C1QL1: variants seen among roughly 807,000 people sequenced by gnomAD.
The protein encoded by C1QL1 is C1q-related factor.
Under a neutral mutation model 14.2 loss-of-function variants are expected in C1QL1, and 15 were observed. The ratio of observed to expected loss-of-function variants is 1.06; its 90% CI spans 0.71 to 1.62. C1QL1 has a LOEUF of 1.62. Among genes scored for constraint, C1QL1 ranks in the 40% most tolerant of loss-of-function variants. C1QL1 has a pLI of 0.00. For synonymous variants in C1QL1, 172 were observed against 172.4 expected (o/e 1.00, Z 0.02); for missense variants, 346 against 380.3 (o/e 0.91, Z 0.75).
chr17:44,962,212 A>G (rs1002892738), intron 1 of C1QL1, among the ~76,000 whole-genome samples: 1 of 152,098 alleles, frequency 6.6e-6, no homozygotes, highest in East Asian at 1.9e-4. Context: ...AACCAAGCCA[A>G]ATTAGGGGAG....
rs770554389 is a variant in C1QL1 at position 44,960,371 on chromosome 17, C to G, written c.598-4G>C. On this transcript the variant is annotated splice_region_variant and splice_polypyrimidine_tract_variant and intron_variant, in intron 1 of 1. Transcript: ENST00000253407. ...GGGCAATAGCACTGGCCCGCACCTG[C>G]GGGTGGGGGACACGGGAGGGAGGGC... 25 of 1,610,926 alleles carry G rather than the reference C, an allele frequency of 1.6e-5. No individual in the cohort carries two copies. The highest frequency in any genetic ancestry group is 1.9e-5 in the Non-Finnish European group (22 of 1,178,142).
chr17:44,960,064 C>CG lies in C1QL1; in HGVS notation c.*123dup, dbSNP rs2052618842. On this transcript the variant is annotated 3_prime_UTR_variant, in exon 2 of 2. Coordinates refer to ENST00000253407, the MANE Select transcript of C1QL1 (RefSeq NM_006688.5). ...GGCCCAGGCGGTGTTGAGCACGGGC[C>CG]GGGGGCGTCATAGCCGGGGAGGGCC... 4.6e-6 allele frequency: 4 copies of CG among 862,460 alleles called. No individual in the cohort carries two copies. Among genetic ancestry groups the CG allele is most frequent in the East Asian group, 4.9e-5 (2 of 41,006 alleles). 53.4% of individuals were successfully genotyped at this position (862,460 alleles called of 1,614,324 possible). A position where few individuals can be genotyped will look rare whatever the true frequency, so the allele number is the denominator to read the frequency against.
At chr17:44,963,923 C>T (rs1268043742) in intron 1 of C1QL1, among the ~76,000 whole-genome samples, 1 of 152,182 alleles carries the variant, frequency 6.6e-6, no homozygotes, top group Non-Finnish European at 1.5e-5. Context: ...ATTTTGTGTC[C>T]TCTCCAACCC....
At chr17:44,964,095 T>G (rs1454918329) in intron 1 of C1QL1, among the ~76,000 whole-genome samples, 2 of 152,128 alleles carry the variant, frequency 1.3e-5, no homozygotes, top group Non-Finnish European at 2.9e-5. Context: ...CTGGGGCCAG[T>G]GGGCCTCAGA....
chr17:44,965,044 G>A (rs2052650088), intron 1 of C1QL1, among the ~76,000 whole-genome samples: 2 of 149,664 alleles, frequency 1.3e-5, no homozygotes, highest in Admixed American at 6.6e-5. Context: ...ACGGAGTCTC[G>A]CTCTGTCACC....
Position 44,967,439 on chromosome 17 carries a change from C to G in C1QL1, c.597+13G>C. 1 of 1,611,732 alleles carries G rather than the reference C, an allele frequency of 6.2e-7. No individual in the cohort carries two copies. Among genetic ancestry groups the G allele is most frequent in the Non-Finnish European group, 8.5e-7 (1 of 1,179,070 alleles). Reference sequence around the variant, plus strand: ...CTGGGCCCAGCCCAGCCCCATGCCCCCGCCTGGCCCACCTGGCCATTCTTG... The same window carrying G: ...CTGGGCCCAGCCCAGCCCCATGCCCGCGCCTGGCCCACCTGGCCATTCTTG... On this transcript the variant is annotated intron_variant, in intron 1 of 1. Coordinates refer to ENST00000253407, the MANE Select transcript of C1QL1 (RefSeq NM_006688.5). The surrounding 1 kb of genome is among the most constrained non-coding windows in gnomAD (Gnocchi z 7.0).
At chr17:44,964,404 AC>A (rs1302765478) in intron 1 of C1QL1, among the ~76,000 whole-genome samples, 4 of 152,188 alleles carry the variant, frequency 2.6e-5, no homozygotes, top group Non-Finnish European at 4.4e-5. Flanking sequence ...CCTACACTTG[AC>A]CTTTTATATT....
chr17:44,959,934 T>G lies in C1QL1; in HGVS notation c.*254A>C. On this transcript the variant is annotated 3_prime_UTR_variant, in exon 2 of 2. Coordinates refer to ENST00000253407, the MANE Select transcript of C1QL1 (RefSeq NM_006688.5). Reference sequence around the variant, plus strand: ...GCAGTAAACAGTCCTATTGTACAAATATATAGCGCGGGCTGGGCGGGGGCG... The same window carrying G: ...GCAGTAAACAGTCCTATTGTACAAAGATATAGCGCGGGCTGGGCGGGGGCG... 1 of 496,508 alleles carries G rather than the reference T, an allele frequency of 2.0e-6. No individual in the cohort carries two copies. 30.8% of individuals were successfully genotyped at this position (496,508 alleles called of 1,614,324 possible).
At chr17:44,965,075 C>T (rs1002234374) in intron 1 of C1QL1, among the ~76,000 whole-genome samples, 39 of 151,572 alleles carry the variant, frequency 2.6e-4, no homozygotes, top group African/African-American at 9.0e-4. Flanking sequence ...TGCAGTGGCG[C>T]GATCTCAGCT....
chr17:44,964,681 T>C (rs1289534593), intron 1 of C1QL1, among the ~76,000 whole-genome samples: 1 of 152,214 alleles, frequency 6.6e-6, no homozygotes, highest in Non-Finnish European at 1.5e-5. Flanking sequence ...GCCTCAAATC[T>C]GGCTCCTAGT....
At chr17:44,964,901 C>T (rs899771132) in intron 1 of C1QL1, among the ~76,000 whole-genome samples, 8 of 151,674 alleles carry the variant, frequency 5.3e-5, no homozygotes, top group East Asian at 1.9e-4. Context: ...AGTACAGTGG[C>T]GAGATCTCAC....
At chr17:44,966,062 C>T (rs1042402896) in intron 1 of C1QL1, among the ~76,000 whole-genome samples, 4 of 152,024 alleles carry the variant, frequency 2.6e-5, no homozygotes, top group African/African-American at 4.8e-5. Context: ...GGGTTAGATC[C>T]GGGGAGGAGA....
chr17:44,967,663 C>CCTTCT lies in C1QL1; in HGVS notation c.385_386insAGAAG (p.Arg129GlnfsTer29). ...CTTGAGGCCGGCGTAGAAGGCCACG[C>CCTTCT]GCGGCACCGTGGTGTAGGTGGCAGT... On this transcript the variant is annotated frameshift_variant, in exon 1 of 2. Transcript: ENST00000253407. LOFTEE classifies it high-confidence loss of function. The surrounding 1 kb of genome is among the most constrained non-coding windows in gnomAD (Gnocchi z 7.0). 2 of 1,613,554 alleles carry CCTTCT rather than the reference C, an allele frequency of 1.2e-6. No homozygotes were observed. The highest frequency in any genetic ancestry group is 1.7e-6 in the Non-Finnish European group (2 of 1,179,868).
intron 1 of C1QL1, among the ~76,000 whole-genome samples, chr17:44,960,604 G>T (rs2052622650): frequency 6.6e-6 from 1 of 152,196 alleles, no homozygotes. Flanking sequence ...GCCTGAATTG[G>T]GAGTCAAGGC....
At chr17:44,962,584 C>A (rs1011745214) in intron 1 of C1QL1, among the ~76,000 whole-genome samples, 1 of 152,182 alleles carries the variant, frequency 6.6e-6, no homozygotes, top group African/African-American at 2.4e-5. Context: ...AACATTAGAT[C>A]TTGATGGGGC....
intron 1 of C1QL1, among the ~76,000 whole-genome samples, chr17:44,965,262 T>A (rs1267947352): frequency 6.6e-6 from 1 of 152,224 alleles, no homozygotes; most frequent in Non-Finnish European, 1.5e-5. Context: ...TCCACTTGCC[T>A]CGGCCTCCCA....
chr17:44,966,221 G>C (rs1457946411), intron 1 of C1QL1, among the ~76,000 whole-genome samples: 2 of 152,086 alleles, frequency 1.3e-5, no homozygotes, highest in African/African-American at 4.8e-5. Flanking sequence ...AGAGAAGAAG[G>C]GCTGACTTAT....
chr17:44,961,175 T>G (rs1299771021), intron 1 of C1QL1, among the ~76,000 whole-genome samples: 1 of 152,206 alleles, frequency 6.6e-6, no homozygotes, highest in Non-Finnish European at 1.5e-5. Flanking sequence ...TGATGTGACA[T>G]CCTTGCTGGT....
chr17:44,967,471 T>A lies in C1QL1; in HGVS notation c.578A>T (p.Asp193Val). 6.2e-7 allele frequency: 1 copy of A among 1,613,724 alleles called. No individual in the cohort carries two copies. Among genetic ancestry groups the A allele is most frequent in the South Asian group, 1.1e-5 (1 of 91,068 alleles). The change falls in exon 1 of 2, where the codon GAC (aspartate) becomes GTC (valine). Residue 193 changes from aspartate to valine, a missense_variant. Transcript: ENST00000253407. The surrounding 1 kb of genome is among the most constrained non-coding windows in gnomAD (Gnocchi z 7.0). ...RGGDGTSMWADLCKNGQVRAS... is the reference protein window; with the variant it reads ...RGGDGTSMWAVLCKNGQVRAS... The stretch of plus-strand genomic sequence containing the variant: ...GCCCACCTGGCCATTCTTGCAGAGG[T>A]CTGCCCACATACTGGTGCCGTCGCC...
Sources: gnomAD v4.1 joint callset for allele counts (sites outside exome capture counted in the v4.1 genomes callset) on GRCh38, gnomAD v4.1.1 for gene constraint, Gnocchi (gnomAD v3.1) non-coding constraint, MANE v1.5 for transcripts, NCBI Gene and HGNC (gene_info 2026-07-23, HGNC 2026-07-21) for gene names.